The following SPI1 variants were observed in gnomAD, a reference collection of about 807,000 sequenced individuals.
SPI1 encodes transcription factor PU.1.
SPI1 carries 3 observed loss-of-function variants against 30.7 expected under a neutral mutation model. The ratio of observed to expected loss-of-function variants is 0.10; its 90% CI spans 0.04 to 0.25. SPI1 has a LOEUF of 0.25. SPI1 is among the 10% of genes least tolerant of loss of function. The pLI is 1.00. For missense variants in SPI1, 261 were observed against 371.5 expected (o/e 0.70, Z 2.45); for synonymous variants, 169 against 157.1 (o/e 1.08, Z -0.56).
intron 4 of SPI1, chr11:47,358,489 C>G (rs2095915465): frequency 3.1e-6 from 2 of 652,436 alleles, no homozygotes; most frequent in Admixed American, 2.1e-5. Flanking sequence ...CTCTCACATT[C>G]ACCTTCTCAC....
intron 4 of SPI1, among the ~76,000 whole-genome samples, chr11:47,356,540 C>T (rs1313292583): frequency 6.6e-6 from 1 of 151,214 alleles, no homozygotes; most frequent in African/African-American, 2.4e-5. Flanking sequence ...ACACCTCACA[C>T]CAGGTTCACA....
At chr11:47,355,832 C>T (rs1388245510) in intron 4 of SPI1, among the ~76,000 whole-genome samples, 1 of 147,776 alleles carries the variant, frequency 6.8e-6, no homozygotes, top group Non-Finnish European at 1.5e-5. Flanking sequence ...CACACATGCT[C>T]ACATCCACAT....
At chr11:47,368,636 C>G (rs1235358337) in intron 2 of SPI1, among the ~76,000 whole-genome samples, 2 of 152,178 alleles carry the variant, frequency 1.3e-5, no homozygotes, top group Admixed American at 6.5e-5. Flanking sequence ...AATGGGTAAG[C>G]CTTGAGAACA....
Position 47,354,881 on chromosome 11 carries a change from T to G in SPI1, c.*346A>C. ...AGGATGGATTGAGAATAACTTTACT[T>G]GTTTTTTGGGAGGAGGTTAATGGGT... On this transcript the variant is annotated 3_prime_UTR_variant, in exon 5 of 5. Coordinates refer to ENST00000378538, the MANE Select transcript of SPI1 (RefSeq NM_003120.3). 1.4e-5 allele frequency: 3 copies of G among 210,450 alleles called. No homozygotes were observed. Among genetic ancestry groups the G allele is most frequent in the Non-Finnish European group, 1.9e-5 (2 of 105,536 alleles). 13.0% of individuals were successfully genotyped at this position (210,450 alleles called of 1,614,324 possible).
chr11:47,365,960 G>C (rs1480910737), intron 2 of SPI1, among the ~76,000 whole-genome samples: 3 of 152,222 alleles, frequency 2.0e-5, no homozygotes, highest in Non-Finnish European at 2.9e-5. Context: ...CTTCCAAAGT[G>C]CTGGGATTAC....
intron 2 of SPI1, among the ~76,000 whole-genome samples, chr11:47,367,748 ATTTTTTTTTTTTTTT>A (rs1173025260): frequency 3.1e-5 from 2 of 64,782 alleles, no homozygotes; most frequent in South Asian, 1.3e-3. Flanking sequence ...TGATGGTTAA[ATTTTTTTTTTTTTTT>A]TTTTTTTTTT....
intron 2 of SPI1, among the ~76,000 whole-genome samples, chr11:47,373,833 T>C (rs1240844911): frequency 2.6e-5 from 4 of 152,044 alleles, no homozygotes; most frequent in Admixed American, 1.3e-4. Flanking sequence ...ACCTGAGATA[T>C]AAGGAACCTG....
At chr11:47,358,698 C>G (rs1332673671) in intron 4 of SPI1, 146 bp downstream of exon 4, 2 of 840,892 alleles carry the variant, frequency 2.4e-6, no homozygotes, top group Non-Finnish European at 3.9e-6. Flanking sequence ...ACAGACAGCC[C>G]CACAAAACAC....
In SPI1 at chr11:47,360,021, G is replaced by C; in HGVS notation, c.162C>G (p.His54Gln). 2 of 1,584,074 alleles carry C rather than the reference G, an allele frequency of 1.3e-6. No individual in the cohort carries two copies. Among genetic ancestry groups the C allele is most frequent in the Non-Finnish European group, 1.7e-6 (2 of 1,163,602 alleles). ...ESHSDHYWDF[H>Q]PHHVHSEFES... ...CGAACTCGCTGTGCACGTGGTGGGGGTGGAAGTCCCAGTAATGGTCTGTGG... is the reference window on the plus strand; with the variant it reads ...CGAACTCGCTGTGCACGTGGTGGGGCTGGAAGTCCCAGTAATGGTCTGTGG... Residue 54 changes from histidine to glutamine, a missense_variant, in exon 3 of 5, where the codon CAC becomes CAG. Coordinates refer to ENST00000378538, the MANE Select transcript of SPI1 (RefSeq NM_003120.3).
At position 47,358,874 on chromosome 11, in the gene SPI1, G is replaced by C. The variant is rs2095916372; in HGVS notation, c.463C>G (p.Pro155Ala). Residue 155 changes from proline to alanine, a missense_variant, in exon 4 of 5, where the codon CCC (proline) becomes GCC (alanine). By Grantham distance (27) the Pro-to-Ala change is conservative. Around this residue, in one of 5 missense-constraint regions of SPI1, gnomAD observed 106 missense variants for 102.0 expected, o/e 1.04. Transcript: ENST00000378538. ...VSDGEADGLE[P>A]GPGLLPGETG... is the part of the protein sequence containing the mutation. Reference sequence around the variant, plus strand: ...TCCCCAGGCAGGAGCCCAGGCCCGGGCTCCAGGCCATCCGCCTCGCCGTCA... The same window carrying C: ...TCCCCAGGCAGGAGCCCAGGCCCGGCCTCCAGGCCATCCGCCTCGCCGTCA... The C allele has an allele frequency of 7.1e-6, 11 of 1,552,690 alleles. No individual in the cohort carries two copies. The highest frequency in any genetic ancestry group is 8.7e-6 in the Non-Finnish European group (10 of 1,147,292).
chr11:47,372,800 G>A (rs1370463777), intron 2 of SPI1, among the ~76,000 whole-genome samples: 4 of 147,794 alleles, frequency 2.7e-5, no homozygotes, highest in African/African-American at 9.7e-5. Context: ...GCCTTACCTC[G>A]CTGAATCATC....
rs878963605 is a variant in SPI1 at position 47,355,086 on chromosome 11, A to C, written c.*141T>G. 6.2e-6 allele frequency: 2 copies of C among 324,548 alleles called. No homozygotes were observed. The highest frequency in any genetic ancestry group is 1.6e-4 in the South Asian group (1 of 6,156). The allele number at this position is 324,548 out of a possible 1,614,324, so 20.1% of individuals were successfully genotyped here. ...TGTGGAGGGGGCCTGGAGTGGGGGGAGGGGGCGGGTGAGGCGAGGCCCGGC... is the reference window on the plus strand; with the variant it reads ...TGTGGAGGGGGCCTGGAGTGGGGGGCGGGGGCGGGTGAGGCGAGGCCCGGC... On this transcript the variant is annotated 3_prime_UTR_variant, in exon 5 of 5. Coordinates refer to ENST00000378538, the MANE Select transcript of SPI1 (RefSeq NM_003120.3).
intron 4 of SPI1, among the ~76,000 whole-genome samples, chr11:47,357,326 C>G (rs1234991979): frequency 6.9e-6 from 1 of 145,368 alleles, no homozygotes; most frequent in Non-Finnish European, 1.5e-5. Flanking sequence ...TTTCACACCT[C>G]ATTGACACCT....
In SPI1 at chr11:47,378,263, G is replaced by A. The variant is rs758620939; in HGVS notation, c.45+46C>T. 1.7e-5 allele frequency: 27 copies of A among 1,600,344 alleles called. No homozygotes were observed. The African/African-American group carries it at 2.4e-4, about 14-fold the overall frequency. ...CGGGTTCGTGGGCAGGCAGGCAGGC[G>A]TCCGAGGGCCACGGGTTGGGCTGGT... On this transcript the variant is annotated intron_variant, in intron 1 of 4. Coordinates refer to ENST00000378538, the MANE Select transcript of SPI1 (RefSeq NM_003120.3).
intron 4 of SPI1, among the ~76,000 whole-genome samples, chr11:47,357,168 A>G (rs545372515): frequency 6.8e-6 from 1 of 146,402 alleles, no homozygotes; most frequent in African/African-American, 2.5e-5. Flanking sequence ...ACACATGCTC[A>G]CATCTCACAC....
intron 2 of SPI1, among the ~76,000 whole-genome samples, chr11:47,372,344 C>T (rs924564317): frequency 6.7e-6 from 1 of 150,200 alleles, no homozygotes; most frequent in Non-Finnish European, 1.5e-5. Context: ...CCCACCTCAG[C>T]CACCCAAAAT....
chr11:47,372,133 G>A (rs1158331837), intron 2 of SPI1, among the ~76,000 whole-genome samples: 1 of 146,530 alleles, frequency 6.8e-6, no homozygotes, highest in African/African-American at 2.5e-5. Flanking sequence ...CTGGAGTCTC[G>A]CTTTGTCTGT....
At position 47,356,083 on chromosome 11, in the gene SPI1, A is replaced by G. The variant is rs1043391115; in HGVS notation, c.494-537T>C. On this transcript the variant is annotated intron_variant, in intron 4 of 4. Coordinates refer to ENST00000378538, the MANE Select transcript of SPI1 (RefSeq NM_003120.3). Reference sequence around the variant, plus strand: ...GACTCACACCCACATGCTCACACACATGCTTGTGCAATGCACCCAAACGCC... The same window carrying G: ...GACTCACACCCACATGCTCACACACGTGCTTGTGCAATGCACCCAAACGCC... Among the ~76,000 whole-genome samples the G allele has an allele frequency of 2.0e-5, 3 of 149,800 alleles. 1 individual carries two copies. Among genetic ancestry groups the G allele is most frequent in the Admixed American group, 1.3e-4 (2 of 15,080 alleles).
intron 4 of SPI1, among the ~76,000 whole-genome samples, chr11:47,356,318 T>C (rs1228801855): frequency 1.4e-5 from 2 of 138,242 alleles, no homozygotes; most frequent in Non-Finnish European, 3.1e-5. Flanking sequence ...CCACACTGCA[T>C]CTGCTTACAC....
Sources: gnomAD v4.1 joint callset for allele counts (sites outside exome capture counted in the v4.1 genomes callset) on GRCh38, gnomAD v4.1.1 for gene constraint, gnomAD v4.1.1 regional missense constraint, MANE v1.5 for transcripts, NCBI Gene and HGNC (gene_info 2026-07-23, HGNC 2026-07-21) for gene names.